The following TRPC1 variants were observed in gnomAD, a reference collection of about 807,000 sequenced individuals.
TRPC1 encodes transient receptor potential cation channel subfamily C member 1, also known as short transient receptor potential channel 1.
A neutral mutation model predicts 88.2 loss-of-function variants in TRPC1; 42 were observed. The observed-to-expected ratio is 0.48, with a 90% confidence interval of 0.37 to 0.62. The LOEUF (loss-of-function observed/expected upper bound fraction) is 0.62. Among genes scored for constraint, TRPC1 ranks in the 20% least tolerant of loss-of-function variants. The pLI is 0.00. For missense variants in TRPC1, 699 were observed against 957.3 expected (o/e 0.73, Z 3.56); for synonymous variants, 288 against 331.8 (o/e 0.87, Z 1.43).
intron 1 of TRPC1, among the ~76,000 whole-genome samples, chr3:142,733,879 T>A (rs1429318419): frequency 1.3e-5 from 2 of 152,168 alleles, no homozygotes; most frequent in East Asian, 3.9e-4. Flanking sequence ...CTATGGCTGC[T>A]CCATGGGTGG....
Position 142,791,062 on chromosome 3 carries a change from G to A in TRPC1, c.1341G>A (p.Leu447=), listed in dbSNP as rs147576697. The change falls in exon 8 of 13, where the codon TTG becomes TTA. Residue 447 remains leucine, a synonymous_variant. Coordinates refer to ENST00000476941, the MANE Select transcript of TRPC1 (RefSeq NM_001251845.2). ...SDIKRLWYEG[L]EDFLEESRNQ... ...TTAAAAGACTCTGGTATGAAGGGTT[G>A]GAAGACTTTTTAGAAGAATCTCGTA... The A allele has an allele frequency of 3.1e-6, 5 of 1,610,416 alleles. No individual in the cohort carries two copies. The highest frequency in any genetic ancestry group is 1.3e-5 in the African/African-American group (1 of 74,694).
intron 12 of TRPC1, among the ~76,000 whole-genome samples, chr3:142,804,845 G>A (rs898758714): frequency 2.6e-5 from 4 of 152,048 alleles, no homozygotes; most frequent in Non-Finnish European, 5.9e-5. Flanking sequence ...GGTGGCTCAC[G>A]CTTGTAATCC....
chr3:142,737,324 T>TTA (rs10662325), intron 2 of TRPC1, among the ~76,000 whole-genome samples: 39,497 of 147,518 alleles, frequency 0.27, 5,714 homozygotes, highest in Admixed American at 0.34. Context: ...CATTGCTATT[T>TTA]TATATATATA....
At chr3:142,739,863 G>A (rs892678365) in intron 2 of TRPC1, among the ~76,000 whole-genome samples, 6 of 151,704 alleles carry the variant, frequency 4.0e-5, no homozygotes, top group African/African-American at 1.5e-4. Context: ...AGAAGAAGGG[G>A]GAAAAGGCAG....
intron 3 of TRPC1, 96 bp from the exon 4 acceptor site, chr3:142,748,162 T>G (rs1934625750): frequency 1.7e-6 from 2 of 1,150,320 alleles, no homozygotes; most frequent in African/African-American, 1.6e-5. Context: ...TCTTAAGTTC[T>G]TTGTGCCTTC....
chr3:142,754,018 G>A (rs1331815454), intron 4 of TRPC1, among the ~76,000 whole-genome samples: 1 of 147,500 alleles, frequency 6.8e-6, no homozygotes, highest in African/African-American at 2.5e-5. Context: ...CCAGGAGGTT[G>A]AGGCTACAGT....
At chr3:142,781,459 A>T (rs146855662) in intron 6 of TRPC1, among the ~76,000 whole-genome samples, 31 of 152,220 alleles carry the variant, frequency 2.0e-4, no homozygotes, top group African/African-American at 7.5e-4. Flanking sequence ...CCCCTTCTAT[A>T]GTAATAGTGA....
chr3:142,739,339 C>G (rs1418853744), intron 2 of TRPC1, among the ~76,000 whole-genome samples: 1 of 152,122 alleles, frequency 6.6e-6, no homozygotes, highest in African/African-American at 2.4e-5. Flanking sequence ...GTAACTTGCC[C>G]AAAGTCATTC....
At chr3:142,796,000 C>G (rs193280095) in intron 9 of TRPC1, among the ~76,000 whole-genome samples, 1 of 152,042 alleles carries the variant, frequency 6.6e-6, no homozygotes, top group Non-Finnish European at 1.5e-5. Flanking sequence ...GTAATAACAG[C>G]AGACATTTAT....
At chr3:142,774,144 A>G (rs910513456) in intron 4 of TRPC1, among the ~76,000 whole-genome samples, 2 of 152,200 alleles carry the variant, frequency 1.3e-5, no homozygotes, top group Non-Finnish European at 2.9e-5. Flanking sequence ...TTCAGCCCAT[A>G]AAGTTTGTAC....
intron 1 of TRPC1, among the ~76,000 whole-genome samples, chr3:142,735,898 C>T (rs995742393): frequency 3.9e-5 from 6 of 152,036 alleles, no homozygotes; most frequent in Non-Finnish European, 7.4e-5. Context: ...AGTGTTTTCT[C>T]CTGTAAAACC....
intron 6 of TRPC1, among the ~76,000 whole-genome samples, chr3:142,782,120 T>TA (rs1016446639): frequency 3.3e-5 from 5 of 151,992 alleles, no homozygotes; most frequent in Admixed American, 1.3e-4. Flanking sequence ...TAAAGTGATT[T>TA]AAAAAAAGAA....
At chr3:142,756,916 C>A (rs1934991392) in intron 4 of TRPC1, among the ~76,000 whole-genome samples, 1 of 152,040 alleles carries the variant, frequency 6.6e-6, no homozygotes, top group African/African-American at 2.4e-5. Context: ...CTCTGGTAGC[C>A]ACCAGTCTAC....
At position 142,792,818 on chromosome 3, in the gene TRPC1, C is replaced by A. The variant is rs1464143505; in HGVS notation, c.1438-6C>A. 2.5e-6 allele frequency: 4 copies of A among 1,576,474 alleles called. No individual in the cohort carries two copies. The highest frequency in any genetic ancestry group is 3.4e-6 in the Non-Finnish European group (4 of 1,163,992). On this transcript the variant is annotated splice_region_variant and splice_polypyrimidine_tract_variant and intron_variant, in intron 8 of 12. Transcript: ENST00000476941. This position sits in a 1 kb window ranked among gnomAD's most constrained non-coding sequence, Gnocchi z 4.0. The stretch of plus-strand genomic sequence containing the variant: ...TTTACCTTTGGCTTTTTCTTCCTAA[C>A]CTTAGTTTCATGATTTTGCTGATCG...
At chr3:142,754,077 G>A (rs927249207) in intron 4 of TRPC1, among the ~76,000 whole-genome samples, 50 of 122,040 alleles carry the variant, frequency 4.1e-4, no homozygotes, top group Admixed American at 1.2e-3. Context: ...GTGACAGAGC[G>A]AGACTCCGTC....
In TRPC1 at chr3:142,804,333, T is replaced by C. The variant is rs150525388; in HGVS notation, c.1960-103T>C. On this transcript the variant is annotated intron_variant, in intron 11 of 12. Coordinates refer to ENST00000476941, the MANE Select transcript of TRPC1 (RefSeq NM_001251845.2). ...TTAAAATGTAAGTAATGTATAATAA[T>C]TGCAAATGTTGAACAAAATTTTTCT... 1.4e-3 allele frequency: 1,641 copies of C among 1,182,020 alleles called. 19 individuals carry two copies. In the African/African-American group the frequency reaches 0.023, roughly 16 times the overall value. 73.2% of individuals were successfully genotyped at this position (1,182,020 alleles called of 1,614,324 possible).
chr3:142,796,690 C>T (rs1398846197), intron 9 of TRPC1, among the ~76,000 whole-genome samples: 1 of 151,982 alleles, frequency 6.6e-6, no homozygotes, highest in African/African-American at 2.4e-5. Context: ...AAGGTTGCCA[C>T]AAACAACACA....
chr3:142,729,021 A>T (rs1171986580), intron 1 of TRPC1, among the ~76,000 whole-genome samples: 1 of 152,230 alleles, frequency 6.6e-6, no homozygotes, highest in Non-Finnish European at 1.5e-5. Flanking sequence ...AAATCATCAT[A>T]GACATAGCAT....
chr3:142,729,824 A>G (rs964540606), intron 1 of TRPC1, among the ~76,000 whole-genome samples: 1 of 152,162 alleles, frequency 6.6e-6, no homozygotes, highest in Non-Finnish European at 1.5e-5. Flanking sequence ...TGATTAACTA[A>G]TGACTTTTAG....
Sources: gnomAD v4.1 joint callset for allele counts (sites outside exome capture counted in the v4.1 genomes callset) on GRCh38, gnomAD v4.1.1 for gene constraint, Gnocchi (gnomAD v3.1) non-coding constraint, MANE v1.5 for transcripts, NCBI Gene and HGNC (gene_info 2026-07-23, HGNC 2026-07-21) for gene names.